UMODL1: variants seen among roughly 807,000 people sequenced by gnomAD.
UMODL1 encodes the protein uromodulin like 1.
Under a neutral mutation model 136.3 loss-of-function variants are expected in UMODL1, and 128 were observed. That is an observed-to-expected ratio of 0.94 (90% CI 0.81 to 1.09). The LOEUF (loss-of-function observed/expected upper bound fraction) is 1.09, where lower values mean the gene tolerates loss of function less well. UMODL1 is among the 50% of genes least tolerant of loss of function. The pLI, the probability that UMODL1 is intolerant of heterozygous loss-of-function variation, is 0.00. For synonymous variants in UMODL1, 721 were observed against 720.0 expected (o/e 1.00, Z -0.02); for missense variants, 1,766 against 1,725.6 (o/e 1.02, Z -0.41).
chr21:42,102,118 G>A (rs907938999), intron 7 of UMODL1, 48 bp from the exon 8 acceptor site: 2 of 1,410,984 alleles, frequency 1.4e-6, no homozygotes, highest in Non-Finnish European at 2.0e-6. Context: ...TAACAGACAA[G>A]TGTGTGACTT....
rs745641683 is a variant in UMODL1 at position 42,111,619 on chromosome 21, C to T, written c.2013C>T (p.Pro671=). Residue 671 remains proline (P), a synonymous_variant, in exon 12 of 23, where the codon CCC becomes CCT. Coordinates refer to ENST00000408910, the MANE Select transcript of UMODL1 (RefSeq NM_001004416.3). ...CCACCCGGGAAACACTTCTGAATCC[C>T]ACGTGGCTGCGAAATGAGGACAGTG... The part of the protein sequence containing the change: ...TRSTRETLLN[P]TWLRNEDSGP... 9.3e-6 allele frequency: 15 copies of T among 1,614,136 alleles called. No individual in the cohort carries two copies. The highest frequency in any genetic ancestry group is 3.4e-6 in the Non-Finnish European group (4 of 1,179,996).
intron 7 of UMODL1, among the ~76,000 whole-genome samples, chr21:42,100,870 C>A (rs535772139): frequency 2.3e-4 from 13 of 57,070 alleles, no homozygotes; most frequent in Non-Finnish European, 3.6e-4. Flanking sequence ...CCCGTGCCCT[C>A]CTCACCCTCC....
intron 2 of UMODL1, among the ~76,000 whole-genome samples, chr21:42,079,250 A>T (rs1233670450): frequency 3.3e-5 from 5 of 152,218 alleles, no homozygotes; most frequent in Non-Finnish European, 7.3e-5. Context: ...GCAGCAAACA[A>T]GTTAATTCCC....
At chr21:42,109,399 C>G (rs571799583) in intron 9 of UMODL1, among the ~76,000 whole-genome samples, 163 bp from the exon 10 acceptor site, 1 of 151,528 alleles carries the variant, frequency 6.6e-6, no homozygotes, top group African/African-American at 2.4e-5. Flanking sequence ...ACAGGCAGGC[C>G]GTAAGGTTGT....
chr21:42,138,822 G>A (rs1472790505), intron 22 of UMODL1, among the ~76,000 whole-genome samples: 9 of 152,164 alleles, frequency 5.9e-5, no homozygotes, highest in South Asian at 2.1e-4. Flanking sequence ...TGATCCACCC[G>A]TCTCGGCCTC....
At position 42,108,377 on chromosome 21, in the gene UMODL1, G is replaced by A. The variant is rs373973203; in HGVS notation, c.1520-1185G>A. On this transcript the variant is annotated intron_variant, in intron 9 of 22. Coordinates refer to ENST00000408910, the MANE Select transcript of UMODL1 (RefSeq NM_001004416.3). ...TGTTCTGATGGCAAGGCAGCCCCCAGGCCATGCTAGGGTGGTGGCATAGCT... is the reference window on the plus strand; with the variant it reads ...TGTTCTGATGGCAAGGCAGCCCCCAAGCCATGCTAGGGTGGTGGCATAGCT... 396 of 516,438 alleles carry A rather than the reference G, an allele frequency of 7.7e-4. 1 individual carries two copies. The highest frequency in any genetic ancestry group is 1.1e-3 in the Non-Finnish European group (286 of 251,558). The allele number at this position is 516,438 out of a possible 1,614,324, so 32.0% of individuals were successfully genotyped here.
At chr21:42,124,353 C>T (rs572614740) in intron 17 of UMODL1, among the ~76,000 whole-genome samples, 9 of 152,236 alleles carry the variant, frequency 5.9e-5, no homozygotes, top group African/African-American at 1.7e-4. Context: ...AGAGGGAGCC[C>T]GTGCCGGCTC....
intron 6 of UMODL1, among the ~76,000 whole-genome samples, chr21:42,098,197 A>G (rs1344808939): frequency 6.6e-6 from 1 of 152,178 alleles, no homozygotes; most frequent in African/African-American, 2.4e-5. Flanking sequence ...CTGACTTTCT[A>G]GTAACCACCG....
chr21:42,111,149 A>G, intron 11 of UMODL1, 28 bp downstream of exon 11: 2 of 1,593,252 alleles, frequency 1.3e-6, no homozygotes, highest in East Asian at 2.3e-5. Context: ...GGGTCTGGGG[A>G]TGGACCAGGG....
intron 21 of UMODL1, among the ~76,000 whole-genome samples, chr21:42,133,999 C>CGGCATG (rs1182660582): frequency 6.6e-6 from 1 of 152,232 alleles, no homozygotes; most frequent in Non-Finnish European, 1.5e-5. Flanking sequence ...CTCACTGCAA[C>CGGCATG]ATCTGCCTCC....
chr21:42,119,398 G>C, intron 15 of UMODL1, 74 bp downstream of exon 15: 1 of 1,411,186 alleles, frequency 7.1e-7, no homozygotes. Flanking sequence ...ACCACCCTTC[G>C]CTTTTGAAAG....
intron 2 of UMODL1, among the ~76,000 whole-genome samples, chr21:42,080,125 G>A (rs1160647471): frequency 6.6e-6 from 1 of 152,330 alleles, no homozygotes; most frequent in South Asian, 2.1e-4. Flanking sequence ...TTGGCAGCGC[G>A]AACTTCTCCA....
intron 4 of UMODL1, among the ~76,000 whole-genome samples, chr21:42,087,582 A>G (rs984246599): frequency 3.9e-5 from 6 of 152,250 alleles, no homozygotes; most frequent in African/African-American, 1.4e-4. Flanking sequence ...TGTGTACAAC[A>G]GGAGACCGTG....
At chr21:42,098,721 C>T (rs1200732694) in intron 6 of UMODL1, among the ~76,000 whole-genome samples, 4 of 152,112 alleles carry the variant, frequency 2.6e-5, no homozygotes, top group East Asian at 3.9e-4. Context: ...GAGCCGAGAT[C>T]GCACCACTGC....
At chr21:42,102,122 G>A (rs760164092) in intron 7 of UMODL1, 44 bp from the exon 8 acceptor site, 7 of 1,457,206 alleles carry the variant, frequency 4.8e-6, no homozygotes, top group Non-Finnish European at 6.7e-6. Context: ...AGACAAGTGT[G>A]TGACTTTTGA....
intron 2 of UMODL1, among the ~76,000 whole-genome samples, chr21:42,082,648 G>A (rs1029807159): frequency 8.5e-5 from 13 of 152,122 alleles, no homozygotes; most frequent in Admixed American, 1.3e-4. Flanking sequence ...CCTCAGCCTC[G>A]TCCCGGAGCT....
intron 1 of UMODL1, 78 bp downstream of exon 1, chr21:42,071,470 T>C: frequency 7.3e-7 from 1 of 1,366,918 alleles, no homozygotes; most frequent in Non-Finnish European, 9.6e-7. Flanking sequence ...GACAGCCCCC[T>C]GTGGAGACCT....
upstream of UMODL1, among the ~76,000 whole-genome samples, chr21:42,068,567 GC>G (rs2066202111): frequency 2.6e-5 from 4 of 152,214 alleles, no homozygotes; most frequent in South Asian, 8.3e-4. This position sits in a 1 kb window ranked among gnomAD's most constrained non-coding sequence, Gnocchi z 5.5. Flanking sequence ...AACCCAGCTG[GC>G]CACCCCTTGG....
Position 42,137,460 on chromosome 21 carries a change from C to T in UMODL1, c.3797C>T (p.Ala1266Val). 6.2e-7 allele frequency: 1 copy of T among 1,614,244 alleles called. No homozygotes were observed. Among genetic ancestry groups the T allele is most frequent in the Non-Finnish European group, 8.5e-7 (1 of 1,180,048 alleles). The stretch of plus-strand genomic sequence containing the variant: ...CGAGGTGAGCCTCCTCATGCAGAAG[C>T]AGGCCTGGGTGCCGGTTATGTGGTC... ...RSEGEPPHAE[A>V]GLGAGYVVLI... is the part of the protein sequence containing the mutation. The change falls in exon 22 of 23, where the codon GCA becomes GTA. Residue 1266 changes from alanine (A) to valine (V), a missense_variant. Coordinates refer to ENST00000408910, the MANE Select transcript of UMODL1 (RefSeq NM_001004416.3).
Sources: allele counts gnomAD v4.1 joint callset (sites outside exome capture counted in the v4.1 genomes callset), GRCh38; gene constraint gnomAD v4.1.1; non-coding constraint Gnocchi (gnomAD v3.1); transcripts MANE v1.5; gene names NCBI Gene and HGNC (gene_info 2026-07-23, HGNC 2026-07-21).